SEZ6: variants seen among roughly 807,000 people sequenced by gnomAD.
The protein encoded by SEZ6 is seizure protein 6 homolog.
A neutral mutation model predicts 101.0 loss-of-function variants in SEZ6; 53 were observed. That is an observed-to-expected ratio of 0.52 (90% CI 0.42 to 0.66). SEZ6 has a LOEUF of 0.66. SEZ6 is among the 30% of genes least tolerant of loss of function. The probability of loss-of-function intolerance (pLI) is 0.00; values close to 1 mark genes in which losing one functional copy is unlikely to be tolerated. For synonymous variants in SEZ6, 488 were observed against 512.2 expected (o/e 0.95, Z 0.64); for missense variants, 1,102 against 1,289.4 (o/e 0.85, Z 2.23).
At chr17:28,963,452 C>T (rs2041017710) in intron 5 of SEZ6, among the ~76,000 whole-genome samples, 1 of 152,190 alleles carries the variant, frequency 6.6e-6, no homozygotes, top group Non-Finnish European at 1.5e-5. Flanking sequence ...AAGGCCCTTC[C>T]ATTGCCACAT....
At chr17:28,961,162 C>T (rs1032187008) in intron 5 of SEZ6, among the ~76,000 whole-genome samples, 189 bp from the exon 6 acceptor site, 3 of 152,144 alleles carry the variant, frequency 2.0e-5, no homozygotes, top group Non-Finnish European at 2.9e-5. Flanking sequence ...TCCAGGCAGC[C>T]TGAGCTCCAG....
rs1244599325 is a variant in SEZ6 at position 28,981,388 on chromosome 17, GTGATGGTGGTGGTGA to G, written c.692_706del (p.Ile231_Ile235del). The G allele has an allele frequency of 6.4e-7, 1 of 1,551,244 alleles. No homozygotes were observed. The highest frequency in any genetic ancestry group is 2.0e-5 in the Admixed American group (1 of 51,060). The stretch of plus-strand genomic sequence containing the variant: ...TAGCTGACCTGGTGTCTGGACTGTG[GTGATGGTGGTGGTGA>G]TGATGGTGGTGGTAGTGGTGGTCTC... On this transcript the variant is annotated inframe_deletion, in exon 2 of 17. Transcript: ENST00000317338.
At chr17:28,999,456 G>T (rs12453920) in intron 1 of SEZ6, among the ~76,000 whole-genome samples, 1 of 152,048 alleles carries the variant, frequency 6.6e-6, no homozygotes, top group African/African-American at 2.4e-5. Flanking sequence ...TGCCAGCAAG[G>T]CTGCAGGCTC....
At chr17:28,979,880 C>CGTGTAT in intron 2 of SEZ6, 67 bp from the exon 3 acceptor site, 1 of 856,692 alleles carries the variant, frequency 1.2e-6, no homozygotes, top group South Asian at 2.4e-5. Flanking sequence ...AAGGCTGAAC[C>CGTGTAT]GTGTGTGTGT....
In SEZ6 at chr17:28,981,975, G is replaced by A. The variant is rs766634019; in HGVS notation, c.120C>T (p.Gly40=). The change falls in exon 2 of 17, where the codon GGC becomes GGT. Residue 40 remains glycine (G), a synonymous_variant. Coordinates refer to ENST00000317338, the MANE Select transcript of SEZ6 (RefSeq NM_178860.5). ...GQAPGIEETD[G]ELTAAPTPEQ... ...CAGGTGTGGGGGCTGCTGTCAGCTCGCCATCTGTCTCCTCGATGCCTGGGG... is the reference window on the plus strand; with the variant it reads ...CAGGTGTGGGGGCTGCTGTCAGCTCACCATCTGTCTCCTCGATGCCTGGGG... 31 of 1,612,822 alleles carry A rather than the reference G, an allele frequency of 1.9e-5. No individual in the cohort carries two copies. Among genetic ancestry groups the A allele is most frequent in the South Asian group, 8.8e-5 (8 of 91,056 alleles).
chr17:29,002,089 T>TTC (rs961578775), intron 1 of SEZ6, among the ~76,000 whole-genome samples: 1 of 134,786 alleles, frequency 7.4e-6, no homozygotes, highest in Non-Finnish European at 1.6e-5. Context: ...CTCTTTCTTC[T>TTC]TTTTTTTTTT....
chr17:28,986,456 C>G (rs572937545), intron 1 of SEZ6, among the ~76,000 whole-genome samples: 2 of 152,312 alleles, frequency 1.3e-5, no homozygotes, highest in African/African-American at 4.8e-5. Context: ...TTAGGGGAAG[C>G]CTTAAGGACT....
intron 2 of SEZ6, 128 bp from the exon 3 acceptor site, chr17:28,979,941 T>A: frequency 1.9e-6 from 2 of 1,063,912 alleles, no homozygotes; most frequent in Non-Finnish European, 2.6e-6. Context: ...GACCACCTCT[T>A]GTGATGTCTA....
In SEZ6 at chr17:28,955,619, G is replaced by T; in HGVS notation, c.*343C>A. On this transcript the variant is annotated 3_prime_UTR_variant, in exon 17 of 17. Coordinates refer to ENST00000317338, the MANE Select transcript of SEZ6 (RefSeq NM_178860.5). ...GCGGGATGGTGGTCATGTGGAGAAA[G>T]GTACTCCTGCTCTGCTAGTGTGTTC... 1 of 545,986 alleles carries T rather than the reference G, an allele frequency of 1.8e-6. No homozygotes were observed. The highest frequency in any genetic ancestry group is 3.5e-6 in the Non-Finnish European group (1 of 284,940). 33.8% of individuals were successfully genotyped at this position (545,986 alleles called of 1,614,324 possible).
intron 2 of SEZ6, among the ~76,000 whole-genome samples, chr17:28,980,415 G>C (rs375480733): frequency 5.3e-5 from 8 of 150,998 alleles, no homozygotes; most frequent in African/African-American, 1.9e-4. Flanking sequence ...TGTCACCCAG[G>C]CTGGCGTGCA....
chr17:28,980,466 T>G (rs1326745516), intron 2 of SEZ6, among the ~76,000 whole-genome samples: 1 of 150,868 alleles, frequency 6.6e-6, no homozygotes, highest in Non-Finnish European at 1.5e-5. Flanking sequence ...GACTCCCGGG[T>G]TCACGCCATT....
chr17:28,959,123 T>C lies in SEZ6; in HGVS notation c.2009A>G (p.Lys670Arg), dbSNP rs2040931237. 2 of 1,613,796 alleles carry C rather than the reference T, an allele frequency of 1.2e-6. No individual in the cohort carries two copies. The highest frequency in any genetic ancestry group is 2.2e-5 in the South Asian group (2 of 91,074). The stretch of plus-strand genomic sequence containing the variant: ...GACATCAGCCATGGAGGTAAAGAGC[T>C]TGAAGTGGCTACGGGGCCCTGAGTA... ...GQYSGPRSHFKLFTSMADVTI... is the reference protein window; with the variant it reads ...GQYSGPRSHFRLFTSMADVTI... The change falls in exon 10 of 17, where the codon AAG becomes AGG. Residue 670 changes from lysine (K) to arginine (R), a missense_variant. Lys to Arg is a conservative substitution (Grantham distance 26). This residue lies in a region of SEZ6 where 556 missense variants were observed against 735.1 expected (regional missense o/e 0.76). Transcript: ENST00000317338. The surrounding 1 kb of genome is among the most constrained non-coding windows in gnomAD (Gnocchi z 4.4).
At chr17:28,966,531 C>G (rs916594150) in intron 4 of SEZ6, among the ~76,000 whole-genome samples, 17 of 152,010 alleles carry the variant, frequency 1.1e-4, no homozygotes, top group African/African-American at 4.1e-4. Context: ...AGAGCAAAGG[C>G]CTGGAGGGGT....
rs1326169096 is a variant in SEZ6 at position 29,005,977 on chromosome 17, G to C, written c.-108C>G. 6.1e-5 allele frequency: 60 copies of C among 986,096 alleles called. No individual in the cohort carries two copies. Among genetic ancestry groups the C allele is most frequent in the South Asian group, 7.3e-5 (2 of 27,534 alleles). 61.1% of individuals were successfully genotyped at this position (986,096 alleles called of 1,614,324 possible). ...CCGGGTCCGGCCGGGTAGAGGGAGC[G>C]GGGCCGCAGCCGTCACCGCCGCTGC... On this transcript the variant is annotated 5_prime_UTR_variant, in exon 1 of 17. Transcript: ENST00000317338. This position sits in a 1 kb window ranked among gnomAD's most constrained non-coding sequence, Gnocchi z 4.8.
chr17:28,974,358 CT>C (rs1406089868), intron 3 of SEZ6, among the ~76,000 whole-genome samples: 2 of 152,182 alleles, frequency 1.3e-5, no homozygotes, highest in Admixed American at 6.5e-5. Context: ...CTTCCACCCC[CT>C]GGCAGAAAAT....
intron 3 of SEZ6, among the ~76,000 whole-genome samples, chr17:28,975,050 G>A (rs2041203486): frequency 1.3e-5 from 2 of 152,240 alleles, no homozygotes; most frequent in Non-Finnish European, 2.9e-5. Context: ...CTGCCAGTAA[G>A]GGTTTTAGCA....
chr17:28,986,064 C>T (rs1409133736), intron 1 of SEZ6, among the ~76,000 whole-genome samples: 1 of 152,272 alleles, frequency 6.6e-6, no homozygotes, highest in Non-Finnish European at 1.5e-5. Context: ...CGCCTGCCGC[C>T]CCCAGCCCTG....
upstream of SEZ6, chr17:29,006,067 G>C (rs552077839): frequency 1.3e-5 from 5 of 372,128 alleles, no homozygotes; most frequent in African/African-American, 2.1e-5. Context: ...GGGGATCGCC[G>C]AGCGGGGCTG....
At chr17:28,970,913 A>G (rs180966937) in intron 3 of SEZ6, among the ~76,000 whole-genome samples, 11 of 152,166 alleles carry the variant, frequency 7.2e-5, no homozygotes, top group African/African-American at 1.4e-4. Flanking sequence ...CCGCATGTCA[A>G]TCGTGATTCT....
Sources: gnomAD v4.1 joint callset for allele counts (sites outside exome capture counted in the v4.1 genomes callset) on GRCh38, gnomAD v4.1.1 for gene constraint, gnomAD v4.1.1 regional missense constraint, Gnocchi (gnomAD v3.1) non-coding constraint, MANE v1.5 for transcripts, NCBI Gene and HGNC (gene_info 2026-07-23, HGNC 2026-07-21) for gene names.